The following STXBP5L variants were observed in gnomAD, a reference collection of about 807,000 sequenced individuals.
STXBP5L encodes syntaxin-binding protein 5-like.
STXBP5L carries 65 observed loss-of-function variants against 144.5 expected under a neutral mutation model. That is an observed-to-expected ratio of 0.45 (90% CI 0.37 to 0.55). STXBP5L has a LOEUF of 0.55. Ranked by LOEUF, STXBP5L falls within the 20% of genes least tolerant of loss-of-function variation. The pLI is 0.00. For synonymous variants in STXBP5L, 505 were observed against 469.6 expected, an observed-to-expected ratio of 1.08 and a Z score of -0.97; for missense variants, 1,298 against 1,405.5, an observed-to-expected ratio of 0.92 and a Z score of 1.22.
At chr3:121,333,831 T>C (rs781591430) in intron 20 of STXBP5L, among the ~76,000 whole-genome samples, 19 of 152,090 alleles carry the variant, frequency 1.2e-4, no homozygotes, top group Non-Finnish European at 2.2e-4. Flanking sequence ...CAGGAGGAAA[T>C]TGATTCACTC....
intron 3 of STXBP5L, among the ~76,000 whole-genome samples, chr3:121,005,544 T>C (rs940997709): frequency 6.6e-6 from 1 of 152,212 alleles, no homozygotes; most frequent in African/African-American, 2.4e-5. Flanking sequence ...TTTGTGTCTC[T>C]ATTTCCTTCA....
At chr3:121,333,266 G>A (rs1164036033) in intron 20 of STXBP5L, among the ~76,000 whole-genome samples, 2 of 152,038 alleles carry the variant, frequency 1.3e-5, no homozygotes, top group Non-Finnish European at 2.9e-5. Flanking sequence ...TGGTCTAAAT[G>A]CTCTACTTAA....
intron 20 of STXBP5L, among the ~76,000 whole-genome samples, chr3:121,348,026 GT>G: frequency 6.6e-6 from 1 of 152,256 alleles, no homozygotes; most frequent in East Asian, 1.9e-4. Context: ...GGGCATCCCT[GT>G]CTTGTACCAG....
At chr3:121,188,449 C>T (rs1049537901) in intron 9 of STXBP5L, among the ~76,000 whole-genome samples, 12 of 150,060 alleles carry the variant, frequency 8.0e-5, no homozygotes, top group South Asian at 2.1e-4. Flanking sequence ...GAGTAATTAA[C>T]GAAATGAAGG....
intron 20 of STXBP5L, among the ~76,000 whole-genome samples, chr3:121,320,126 T>C (rs1559972508): frequency 6.6e-6 from 1 of 152,226 alleles, no homozygotes; most frequent in Non-Finnish European, 1.5e-5. Flanking sequence ...AGAATTAACA[T>C]ATTCAACAAT....
At chr3:121,124,854 C>T (rs1188952845) in intron 7 of STXBP5L, among the ~76,000 whole-genome samples, 1 of 151,926 alleles carries the variant, frequency 6.6e-6, no homozygotes, top group African/African-American at 2.4e-5. Context: ...AAGGAAATGC[C>T]TCCACGATTT....
chr3:120,976,234 T>G (rs1327572290), intron 3 of STXBP5L, among the ~76,000 whole-genome samples: 1 of 152,234 alleles, frequency 6.6e-6, no homozygotes, highest in Non-Finnish European at 1.5e-5. Flanking sequence ...CTGTTATTAG[T>G]CTATTCAGAG....
chr3:121,224,397 C>T (rs2049058331), intron 11 of STXBP5L, among the ~76,000 whole-genome samples: 1 of 152,102 alleles, frequency 6.6e-6, no homozygotes, highest in Admixed American at 6.6e-5. Flanking sequence ...GTTACTAGGA[C>T]AGACAATTTA....
At chr3:120,976,975 A>C (rs1941113322) in intron 3 of STXBP5L, among the ~76,000 whole-genome samples, 1 of 152,084 alleles carries the variant, frequency 6.6e-6, no homozygotes, top group East Asian at 1.9e-4. Flanking sequence ...CTATGTGGTC[A>C]ATTTTGGAAT....
intron 8 of STXBP5L, among the ~76,000 whole-genome samples, chr3:121,155,764 T>A (rs1043832831): frequency 6.6e-6 from 1 of 151,908 alleles, no homozygotes; most frequent in African/African-American, 2.4e-5. Context: ...CAAGTTGGTT[T>A]TACATGCTTG....
At chr3:121,165,028 T>A (rs1008649006) in intron 9 of STXBP5L, among the ~76,000 whole-genome samples, 6 of 152,128 alleles carry the variant, frequency 3.9e-5, no homozygotes, top group Admixed American at 2.6e-4. Context: ...TTTAGCTGTT[T>A]TTGCCACCAA....
intron 7 of STXBP5L, among the ~76,000 whole-genome samples, chr3:121,143,700 G>A (rs1050300381): frequency 2.0e-5 from 3 of 151,838 alleles, no homozygotes; most frequent in African/African-American, 7.2e-5. Flanking sequence ...AATACACAGT[G>A]TAGAAAGGAT....
At chr3:121,324,948 T>G (rs566617399) in intron 20 of STXBP5L, among the ~76,000 whole-genome samples, 25 of 152,118 alleles carry the variant, frequency 1.6e-4, no homozygotes, top group African/African-American at 6.0e-4. Context: ...ATAGTAAGAT[T>G]TTTTTTATAT....
chr3:120,985,895 T>C lies in STXBP5L; in HGVS notation c.287+30858T>C, dbSNP rs1576577685. ...CTTTTGGTTTCACTGATTTTTTCTA[T>C]TGTTTCTCTATTTTTAATTTGTCTC... On this transcript the variant is annotated intron_variant, in intron 3 of 26. Coordinates refer to ENST00000471454, the MANE Select transcript of STXBP5L (RefSeq NM_001308330.2). Among the ~76,000 whole-genome samples the C allele has an allele frequency of 5.9e-5, 9 of 152,128 alleles. 3 individuals are homozygous for C. The highest frequency in any genetic ancestry group is 5.9e-4 in the Admixed American group (9 of 15,284).
chr3:121,033,939 A>G (rs145510066), intron 3 of STXBP5L, among the ~76,000 whole-genome samples: 74 of 152,218 alleles, frequency 4.9e-4, no homozygotes, highest in Non-Finnish European at 8.2e-4. Context: ...CTTATTAAAA[A>G]TAGTATTTTC....
chr3:121,172,272 A>G (rs1458013908), intron 9 of STXBP5L, among the ~76,000 whole-genome samples: 1 of 152,226 alleles, frequency 6.6e-6, no homozygotes, highest in South Asian at 2.1e-4. Flanking sequence ...GGATGTAGGC[A>G]TGGGCAAAAC....
At chr3:121,068,128 G>GC (rs1268963352) in intron 5 of STXBP5L, among the ~76,000 whole-genome samples, 1 of 152,174 alleles carries the variant, frequency 6.6e-6, no homozygotes, top group Non-Finnish European at 1.5e-5. Context: ...TCCTGCCTCG[G>GC]CCTCCCAAGT....
intron 3 of STXBP5L, among the ~76,000 whole-genome samples, chr3:120,976,908 G>C (rs1196357980): frequency 6.6e-6 from 1 of 152,076 alleles, no homozygotes; most frequent in Non-Finnish European, 1.5e-5. Context: ...TGGTCTGAGA[G>C]ACAGTTTGTT....
chr3:121,268,262 C>T (rs1285396749), intron 18 of STXBP5L, among the ~76,000 whole-genome samples: 1 of 152,104 alleles, frequency 6.6e-6, no homozygotes. Context: ...TTTGCAGGGA[C>T]ATGGATGAAG....
Sources: gnomAD v4.1 joint callset for allele counts (sites outside exome capture counted in the v4.1 genomes callset) on GRCh38, gnomAD v4.1.1 for gene constraint, MANE v1.5 for transcripts, NCBI Gene and HGNC (gene_info 2026-07-23, HGNC 2026-07-21) for gene names.